GPBP1: variants seen among roughly 807,000 people sequenced by gnomAD.
The protein encoded by GPBP1 is vasculin.
GPBP1 carries 13 observed loss-of-function variants against 56.5 expected under a neutral mutation model. The ratio of observed to expected loss-of-function variants is 0.23; its 90% CI spans 0.15 to 0.37. The LOEUF is 0.37. Ranked by LOEUF, GPBP1 falls within the 10% of genes least tolerant of loss-of-function variation. The pLI is 1.00. For synonymous variants in GPBP1, 204 were observed against 188.9 expected, an observed-to-expected ratio of 1.08 and a Z score of -0.66; for missense variants, 477 against 572.3, an observed-to-expected ratio of 0.83 and a Z score of 1.70.
At chr5:57,179,043 G>T (rs993266667) in intron 2 of GPBP1, among the ~76,000 whole-genome samples, 1 of 152,082 alleles carries the variant, frequency 6.6e-6, no homozygotes, top group Non-Finnish European at 1.5e-5. Flanking sequence ...AGGATTTAGG[G>T]GGGCTGAGAC....
At chr5:57,212,796 A>G (rs1206085971) in intron 2 of GPBP1, among the ~76,000 whole-genome samples, 1 of 149,332 alleles carries the variant, frequency 6.7e-6, no homozygotes, top group Non-Finnish European at 1.5e-5. Flanking sequence ...CAGCCTCCTG[A>G]GTAGCTGGGA....
chr5:57,250,292 C>CTG (rs1741320516), intron 9 of GPBP1, among the ~76,000 whole-genome samples: 1 of 151,844 alleles, frequency 6.6e-6, no homozygotes, highest in Non-Finnish European at 1.5e-5. Flanking sequence ...GCGTGAGCCA[C>CTG]TGTACCTGGC....
chr5:57,192,934 G>A (rs1054368279), intron 2 of GPBP1, among the ~76,000 whole-genome samples: 2 of 152,018 alleles, frequency 1.3e-5, no homozygotes, highest in African/African-American at 4.8e-5. Flanking sequence ...TGGACTTCAC[G>A]TTTATATAAA....
In GPBP1 at chr5:57,247,087, A is replaced by G. The variant is rs1741125207; in HGVS notation, c.676A>G (p.Lys226Glu). The change falls in exon 8 of 12, where the codon AAA becomes GAA. Residue 226 changes from lysine (K) to glutamate (E), a missense_variant. By Grantham distance (56) the Lys-to-Glu change is moderately conservative. This residue lies in a region of GPBP1 where 414 missense variants were observed against 458.2 expected (regional missense o/e 0.90). Transcript: ENST00000506184. ...AAPPTKPTQW[K>E]SQTKENKVGT... is the part of the protein sequence containing the mutation. ...TGTTTTTCTTTAGCCTACACAATGGAAAAGCCAAACAAAAGAAAATAAAGT... is the reference window on the plus strand; with the variant it reads ...TGTTTTTCTTTAGCCTACACAATGGGAAAGCCAAACAAAAGAAAATAAAGT... 2 of 1,612,588 alleles carry G rather than the reference A, an allele frequency of 1.2e-6. No individual in the cohort carries two copies. The highest frequency in any genetic ancestry group is 2.7e-5 in the African/African-American group (2 of 74,828).
chr5:57,250,263 C>A (rs996889866), intron 9 of GPBP1, among the ~76,000 whole-genome samples: 19 of 151,916 alleles, frequency 1.3e-4, no homozygotes, highest in African/African-American at 4.6e-4. Context: ...CTTGGCCTCC[C>A]AAAGTGTTGG....
chr5:57,198,787 G>T lies in GPBP1; in HGVS notation c.-57-15287G>T, dbSNP rs538315609. ...TGCTTGAACCTCGGTGGCAGAGGTT[G>T]TAGCCTGGGTGACAGTGAGACTGTC... is the stretch of plus-strand genomic sequence containing the variant. On this transcript the variant is annotated intron_variant, in intron 2 of 11. Coordinates refer to ENST00000506184, the MANE Select transcript of GPBP1 (RefSeq NM_022913.4). 2.0e-5 allele frequency among the ~76,000 whole-genome samples: 3 copies of T among 152,292 alleles called. No individual in the cohort carries two copies. The South Asian group carries it at 6.2e-4, about 32-fold the overall frequency.
chr5:57,178,175 T>G (rs1753879442), intron 2 of GPBP1, among the ~76,000 whole-genome samples: 1 of 152,208 alleles, frequency 6.6e-6, no homozygotes, highest in African/African-American at 2.4e-5. Context: ...ATATGCATCT[T>G]AAATAAGATT....
At position 57,246,407 on chromosome 5, in the gene GPBP1, T is replaced by A; in HGVS notation, c.586T>A (p.Ser196Thr). ...ATTCCCAGTAGTAGGAAATCTTCCG[T>A]CACAGCCAGTTAAGAATGGAACTGG... ...SGFPVVGNLP[S>T]QPVKNGTGPS... is the part of the protein sequence containing the mutation. Residue 196 changes from serine (S) to threonine (T), a missense_variant, in exon 7 of 12, where the codon TCA becomes ACA. By Grantham distance (58) the Ser-to-Thr change is moderately conservative. Transcript: ENST00000506184. 1.2e-6 allele frequency: 2 copies of A among 1,614,030 alleles called. No individual in the cohort carries two copies. Among genetic ancestry groups the A allele is most frequent in the Non-Finnish European group, 1.7e-6 (2 of 1,179,904 alleles).
At position 57,250,936 on chromosome 5, in the gene GPBP1, TA is replaced by T; in HGVS notation, c.973-16del. On this transcript the variant is annotated splice_polypyrimidine_tract_variant and intron_variant, in intron 9 of 11. Transcript: ENST00000506184. ...TAGAACTCATTCTTTTTTTTTTTTT[TA>T]ACTCTCTAAAAATCAGGATGACGAC... is the stretch of plus-strand genomic sequence containing the variant. The T allele has an allele frequency of 6.8e-7, 1 of 1,467,572 alleles. No individual in the cohort carries two copies. The highest frequency in any genetic ancestry group is 2.2e-5 in the Admixed American group (1 of 46,174). 90.9% of individuals were successfully genotyped at this position (1,467,572 alleles called of 1,614,324 possible).
chr5:57,236,015 T>C lies in GPBP1; in HGVS notation c.461T>C (p.Leu154Ser), dbSNP rs1387897470. The part of the protein sequence containing the change: ...YEREPNHNKS[L>S]AAGVWEYPPN... ...AGAGAACCAAATCACAATAAGTCTT[T>C]AGCTGCAGGTGTGTGGGGTAAGTAA... The change falls in exon 6 of 12, where the codon TTA becomes TCA. Residue 154 changes from leucine (L) to serine (S), a missense_variant. By Grantham distance (145) the Leu-to-Ser change is moderately radical (BLOSUM62 -2). Around this residue, in one of 2 missense-constraint regions of GPBP1, gnomAD observed 414 missense variants for 458.2 expected, o/e 0.90. Coordinates refer to ENST00000506184, the MANE Select transcript of GPBP1 (RefSeq NM_022913.4). 3 of 1,609,516 alleles carry C rather than the reference T, an allele frequency of 1.9e-6. No homozygotes were observed. Among genetic ancestry groups the C allele is most frequent in the Non-Finnish European group, 2.6e-6 (3 of 1,175,994 alleles).
chr5:57,177,549 C>T (rs1434230159), intron 2 of GPBP1, among the ~76,000 whole-genome samples: 2 of 151,696 alleles, frequency 1.3e-5, no homozygotes, highest in Admixed American at 6.6e-5. Flanking sequence ...TTTTGGCTCA[C>T]TGCAGCCTCC....
chr5:57,218,210 A>G (rs886777718), intron 3 of GPBP1, among the ~76,000 whole-genome samples: 2 of 152,080 alleles, frequency 1.3e-5, no homozygotes, highest in African/African-American at 4.8e-5. Context: ...CAGTTCTGAC[A>G]CTGTCTGCTT....
At chr5:57,208,760 G>A (rs1469779034) in intron 2 of GPBP1, among the ~76,000 whole-genome samples, 1 of 150,266 alleles carries the variant, frequency 6.7e-6, no homozygotes, top group Non-Finnish European at 1.5e-5. Context: ...GGGTTCAAGC[G>A]ATTCTCCTAC....
chr5:57,189,580 T>C (rs545992571), intron 2 of GPBP1, among the ~76,000 whole-genome samples: 18 of 152,372 alleles, frequency 1.2e-4, no homozygotes, highest in African/African-American at 3.8e-4. Context: ...CTTGAACTAC[T>C]GTGGTAGCCT....
intron 3 of GPBP1, among the ~76,000 whole-genome samples, chr5:57,229,384 G>C (rs1313065322): frequency 6.6e-6 from 1 of 151,820 alleles, no homozygotes; most frequent in African/African-American, 2.4e-5. Flanking sequence ...ATGTTTTCAT[G>C]TGATTTGTGG....
At chr5:57,219,444 C>T (rs567880306) in intron 3 of GPBP1, among the ~76,000 whole-genome samples, 16 of 118,736 alleles carry the variant, frequency 1.3e-4, no homozygotes, top group Non-Finnish European at 2.9e-4. Context: ...CAAAACCACA[C>T]ACACAAAAAA....
At chr5:57,208,836 G>A (rs1755353329) in intron 2 of GPBP1, among the ~76,000 whole-genome samples, 1 of 151,574 alleles carries the variant, frequency 6.6e-6, no homozygotes, top group Admixed American at 6.6e-5. Context: ...CTTTATTTTA[G>A]CAGAGATGGG....
intron 10 of GPBP1, among the ~76,000 whole-genome samples, chr5:57,259,167 C>T (rs1741785470): frequency 6.6e-6 from 1 of 152,162 alleles, no homozygotes; most frequent in Admixed American, 6.5e-5. Context: ...TCAGAAGCAA[C>T]AAGGTGCTGT....
intron 2 of GPBP1, among the ~76,000 whole-genome samples, chr5:57,181,978 TC>T (rs1754070113): frequency 6.6e-6 from 1 of 152,188 alleles, no homozygotes; most frequent in Non-Finnish European, 1.5e-5. Flanking sequence ...AGTTTCTGCA[TC>T]TTTTTATATA....
Sources: gnomAD v4.1 joint callset for allele counts (sites outside exome capture counted in the v4.1 genomes callset) on GRCh38, gnomAD v4.1.1 for gene constraint, gnomAD v4.1.1 regional missense constraint, MANE v1.5 for transcripts, NCBI Gene and HGNC (gene_info 2026-07-23, HGNC 2026-07-21) for gene names.